Variants in C11orf54 observed in about 807,000 individuals in gnomAD.
C11orf54 encodes beta-keto L-gulonate decarboxylase.
C11orf54 carries 29 observed loss-of-function variants against 35.5 expected under a neutral mutation model. The observed-to-expected ratio is 0.82, with a 90% CI of 0.61 to 1.11. The LOEUF (loss-of-function observed/expected upper bound fraction) is 1.11. Ranked by LOEUF, C11orf54 falls within the 50% of genes most tolerant of loss-of-function variation. The pLI is 0.00. For missense variants in C11orf54, 373 were observed against 369.2 expected (o/e 1.01, Z -0.08); for synonymous variants, 108 against 121.1 (o/e 0.89, Z 0.71).
At chr11:93,753,088 T>C (rs949945150) in intron 3 of C11orf54, among the ~76,000 whole-genome samples, 1 of 152,044 alleles carries the variant, frequency 6.6e-6, no homozygotes, top group Non-Finnish European at 1.5e-5. Context: ...GTTCAAGCAA[T>C]CCTCCTGCCC....
At chr11:93,751,222 A>T (rs974747647) in intron 3 of C11orf54, among the ~76,000 whole-genome samples, 1 of 152,162 alleles carries the variant, frequency 6.6e-6, no homozygotes, top group East Asian at 1.9e-4. Flanking sequence ...GTCTTAGAAC[A>T]AACCTGACTT....
rs183130318 is a variant in C11orf54, at chr11:93,747,770, A to C, written c.55+322A>C. 6.6e-5 allele frequency among the ~76,000 whole-genome samples: 10 copies of C among 152,308 alleles called. No homozygotes were observed. In the East Asian group the frequency reaches 1.7e-3, roughly 26 times the overall value. ...AAGACTTAAGCATGTGTGATGCCCA[A>C]AGAGTCGCAAAATTTTGCTTTAACT... On this transcript the variant is annotated intron_variant, in intron 2 of 8. Coordinates refer to ENST00000354421, the MANE Select transcript of C11orf54 (RefSeq NM_001286069.2).
At chr11:93,748,596 G>C (rs1277463405) in intron 2 of C11orf54, among the ~76,000 whole-genome samples, 1 of 152,124 alleles carries the variant, frequency 6.6e-6, no homozygotes, top group Non-Finnish European at 1.5e-5. Flanking sequence ...AATACTTTAG[G>C]AGGCCAAGGT....
intron 3 of C11orf54, among the ~76,000 whole-genome samples, chr11:93,751,263 T>C (rs543439871): frequency 1.3e-5 from 2 of 152,298 alleles, no homozygotes; most frequent in African/African-American, 2.4e-5. Flanking sequence ...GGGATTTGAA[T>C]TGAATGTTTT....
chr11:93,755,303 C>G lies in C11orf54; in HGVS notation c.424C>G (p.Leu142Val). The change falls in exon 6 of 9, where the codon CTG becomes GTG. Residue 142 changes from leucine to valine, a missense_variant. By Grantham distance (32) the Leu-to-Val change is conservative. Transcript: ENST00000354421. ...GAACCCTGCAGATGGAGGGTGCCTA[C>G]TGGAGAAATACAGTGAGAAATGTCA... ...HVNPADGGCL[L>V]EKYSEKCHDF... 6.2e-7 allele frequency: 1 copy of G among 1,614,132 alleles called. No homozygotes were observed. Among genetic ancestry groups the G allele is most frequent in the Non-Finnish European group, 8.5e-7 (1 of 1,180,014 alleles).
At chr11:93,747,255 T>C (rs1942520024) in intron 1 of C11orf54, 42 bp from the exon 2 acceptor site, 1 of 497,854 alleles carries the variant, frequency 2.0e-6, no homozygotes, top group Non-Finnish European at 3.4e-6. Flanking sequence ...AAATGCCCTT[T>C]TGTTCTGTTT....
chr11:93,743,449 C>G (rs1035381210), intron 1 of C11orf54, among the ~76,000 whole-genome samples: 4 of 152,184 alleles, frequency 2.6e-5, no homozygotes, highest in Admixed American at 2.6e-4. Context: ...GCTCTCAACT[C>G]CTCGCGGGAG....
At chr11:93,747,603 A>G (rs1942550872) in intron 2 of C11orf54, among the ~76,000 whole-genome samples, 155 bp downstream of exon 2, 1 of 151,834 alleles carries the variant, frequency 6.6e-6, no homozygotes, top group African/African-American at 2.4e-5. Flanking sequence ...TTTCCATTTC[A>G]GTATCTGTTC....
At position 93,762,833 on chromosome 11, in the gene C11orf54, T is replaced by C. The variant is rs999558445; in HGVS notation, c.*1145T>C. ...CATGACCACTATCGTTGCTGAAATA[T>C]AAAATTATACTCACTGATTGTAATG... On this transcript the variant is annotated 3_prime_UTR_variant, in exon 9 of 9. Coordinates refer to ENST00000354421, the MANE Select transcript of C11orf54 (RefSeq NM_001286069.2). The C allele has an allele frequency of 2.6e-5, 4 of 152,218 alleles. No individual in the cohort carries two copies. The highest frequency in any genetic ancestry group is 9.7e-5 in the African/African-American group (4 of 41,450). 9.4% of individuals were successfully genotyped at this position (152,218 alleles called of 1,614,324 possible). A position where few individuals can be genotyped will look rare whatever the true frequency, so the allele number is the denominator to read the frequency against.
In C11orf54 at chr11:93,750,369, A is replaced by G. The variant is rs1285580250; in HGVS notation, c.79A>G (p.Asn27Asp). 1 of 1,613,716 alleles carries G rather than the reference A, an allele frequency of 6.2e-7. No homozygotes were observed. Among genetic ancestry groups the G allele is most frequent in the Admixed American group, 1.7e-5 (1 of 60,022 alleles). Residue 27 changes from asparagine to aspartate, a missense_variant, in exon 3 of 9, where the codon AAC becomes GAC. By Grantham distance (23) the Asn-to-Asp change is conservative. Transcript: ENST00000354421. ...AGTTATGCAGAAGGGGTTAAAAGAT[A>G]ACTTTGCTGATGTCCAGGTCTCTGT... ...AGVMQKGLKDNFADVQVSVVD... is the reference protein window; with the variant it reads ...AGVMQKGLKDDFADVQVSVVD...
At chr11:93,751,431 A>T (rs1253024808) in intron 3 of C11orf54, among the ~76,000 whole-genome samples, 1 of 113,570 alleles carries the variant, frequency 8.8e-6, no homozygotes. Context: ...TTTGAGACAG[A>T]GTCTCACTCT....
intron 7 of C11orf54, among the ~76,000 whole-genome samples, chr11:93,758,812 G>A (rs1943304222): frequency 6.6e-6 from 1 of 152,254 alleles, no homozygotes; most frequent in Admixed American, 6.5e-5. Context: ...GCAGCAGGAG[G>A]CAGACAGGTT....
In C11orf54 at chr11:93,764,676, G is replaced by C. The variant is rs1022659575; in HGVS notation, c.*2988G>C. On this transcript the variant is annotated 3_prime_UTR_variant, in exon 9 of 9. Transcript: ENST00000354421. ...TTGGCCAGGCTGTTCTCGAACTCCTGGCCTCAAGTGATCTGCCCGTCTCAG... is the reference window on the plus strand; with the variant it reads ...TTGGCCAGGCTGTTCTCGAACTCCTCGCCTCAAGTGATCTGCCCGTCTCAG... 3 of 151,982 alleles carry C rather than the reference G, an allele frequency of 2.0e-5. No individual in the cohort carries two copies. The highest frequency in any genetic ancestry group is 4.4e-5 in the Non-Finnish European group (3 of 67,996). 9.4% of individuals were successfully genotyped at this position (151,982 alleles called of 1,614,324 possible).
At position 93,753,766 on chromosome 11, in the gene C11orf54, T is replaced by C. The variant is rs774106596; in HGVS notation, c.228+11T>C. The C allele has an allele frequency of 6.2e-7, 1 of 1,611,682 alleles. No individual in the cohort carries two copies. The highest frequency in any genetic ancestry group is 1.7e-5 in the Admixed American group (1 of 59,882). ...GTAAACCAAAAAAAAGTAAGTACTT[T>C]TACTCTGCATATTCACATGAAGATT... On this transcript the variant is annotated intron_variant, in intron 4 of 8. Transcript: ENST00000354421.
At chr11:93,747,116 A>T (rs1942511607) in intron 1 of C11orf54, 181 bp from the exon 2 acceptor site, 1 of 223,716 alleles carries the variant, frequency 4.5e-6, no homozygotes, top group Non-Finnish European at 8.6e-6. Context: ...TGTTTCTATT[A>T]AAAAATTAGT....
chr11:93,752,872 C>A (rs1181918818), intron 3 of C11orf54, among the ~76,000 whole-genome samples: 1 of 151,840 alleles, frequency 6.6e-6, no homozygotes, highest in East Asian at 1.9e-4. Context: ...CCTCAGCCTC[C>A]TGAGTAGTAC....
At chr11:93,742,130 A>G (rs1020777377) in intron 1 of C11orf54, 1 of 153,984 alleles carries the variant, frequency 6.5e-6, no homozygotes, top group Non-Finnish European at 1.4e-5. Flanking sequence ...GGAGTTGGCT[A>G]ACATGTCACA....
At chr11:93,756,575 T>C (rs1356078017) in intron 6 of C11orf54, among the ~76,000 whole-genome samples, 1 of 152,052 alleles carries the variant, frequency 6.6e-6, no homozygotes, top group East Asian at 1.9e-4. Context: ...GGGAGTGAGT[T>C]TGTCATCTAC....
intron 2 of C11orf54, among the ~76,000 whole-genome samples, chr11:93,749,873 C>T (rs914305950): frequency 1.3e-5 from 2 of 152,190 alleles, no homozygotes; most frequent in Non-Finnish European, 2.9e-5. Flanking sequence ...CTCCTTTGCA[C>T]ACCTTCCCAG....
Sources: allele counts gnomAD v4.1 joint callset (sites outside exome capture counted in the v4.1 genomes callset), GRCh38; gene constraint gnomAD v4.1.1; transcripts MANE v1.5; gene names NCBI Gene and HGNC (gene_info 2026-07-23, HGNC 2026-07-21).